The following SETD7 variants were observed in gnomAD, a reference collection of about 807,000 sequenced individuals.
SETD7 encodes SET domain containing 7, histone lysine methyltransferase.
A neutral mutation model predicts 41.8 loss-of-function variants in SETD7; 16 were observed. The observed-to-expected ratio is 0.38, with a 90% CI of 0.26 to 0.58. The LOEUF (loss-of-function observed/expected upper bound fraction) is 0.58, where lower values mean the gene tolerates loss of function less well. SETD7 is among the 20% of genes least tolerant of loss of function. SETD7 has a pLI of 0.64. For missense variants in SETD7, 346 were observed against 459.7 expected, an observed-to-expected ratio of 0.75 and a Z score of 2.26; for synonymous variants, 163 against 169.7, an observed-to-expected ratio of 0.96 and a Z score of 0.31.
In SETD7 at chr4:139,506,600, G is replaced by T. The variant is rs1163332898; in HGVS notation, c.*5063C>A. The T allele has an allele frequency of 5.2e-5, 8 of 152,540 alleles. No homozygotes were observed. Among genetic ancestry groups the T allele is most frequent in the Admixed American group, 1.3e-4 (2 of 15,278 alleles). 9.4% of individuals were successfully genotyped at this position (152,540 alleles called of 1,614,324 possible). On this transcript the variant is annotated 3_prime_UTR_variant, in exon 8 of 8. Transcript: ENST00000274031. ...TCATAAACCAAAATGTAACCAAGTA[G>T]ATATGTTGATACATTGGCATGTGTG... is the stretch of plus-strand genomic sequence containing the variant.
chr4:139,539,182 T>G (rs1727719207), intron 2 of SETD7, among the ~76,000 whole-genome samples: 1 of 151,936 alleles, frequency 6.6e-6, no homozygotes, highest in Admixed American at 6.6e-5. Flanking sequence ...TCTGTTCCCT[T>G]CCTTCCACTG....
At position 139,520,271 on chromosome 4, in the gene SETD7, A is replaced by G. The variant is rs1473236388; in HGVS notation, c.762+6T>C. On this transcript the variant is annotated splice_donor_region_variant and intron_variant, in intron 6 of 7. Transcript: ENST00000274031. The stretch of plus-strand genomic sequence containing the variant: ...AAGTTGATTTTCCACTGTCAGCCCC[A>G]CTCACCTCTTGGTGTGTAATTCGAA... 10 of 1,479,548 alleles carry G rather than the reference A, an allele frequency of 6.8e-6. No individual in the cohort carries two copies. Among genetic ancestry groups the G allele is most frequent in the Middle Eastern group, 1.7e-4 (1 of 5,818 alleles). 91.7% of individuals were successfully genotyped at this position (1,479,548 alleles called of 1,614,324 possible). A position where few individuals can be genotyped will look rare whatever the true frequency, so the allele number is the denominator to read the frequency against.
chr4:139,530,902 T>C (rs1238564295), intron 3 of SETD7, among the ~76,000 whole-genome samples: 2 of 152,198 alleles, frequency 1.3e-5, no homozygotes. Context: ...GGGAAAATCA[T>C]CACTTTTTTC....
chr4:139,553,406 T>C (rs886823882), intron 1 of SETD7, among the ~76,000 whole-genome samples: 1 of 152,206 alleles, frequency 6.6e-6, no homozygotes, highest in African/African-American at 2.4e-5. Context: ...AGAGTTACAC[T>C]GATAAAAAAT....
intron 7 of SETD7, among the ~76,000 whole-genome samples, chr4:139,513,706 A>T (rs1354036353): frequency 1.3e-5 from 2 of 152,180 alleles, no homozygotes; most frequent in Non-Finnish European, 2.9e-5. Flanking sequence ...TTCACCTTAT[A>T]TCTCTGAATC....
intron 2 of SETD7, among the ~76,000 whole-genome samples, chr4:139,544,541 G>A (rs2111168950): frequency 6.6e-6 from 1 of 152,214 alleles, no homozygotes; most frequent in African/African-American, 2.4e-5. Context: ...AGCTGGATAT[G>A]AGAAGACAGG....
chr4:139,510,636 T>A lies in SETD7; in HGVS notation c.*1027A>T, dbSNP rs1335959609. On this transcript the variant is annotated 3_prime_UTR_variant, in exon 8 of 8. Coordinates refer to ENST00000274031, the MANE Select transcript of SETD7 (RefSeq NM_030648.4). ...CCTTAGTAGTACTGACTAAAAAAAT[T>A]TTTTTTTGAATTCTGTTAGAATTCA... is the stretch of plus-strand genomic sequence containing the variant. 1 of 152,016 alleles carries A rather than the reference T, an allele frequency of 6.6e-6. No homozygotes were observed. The highest frequency in any genetic ancestry group is 1.5e-5 in the Non-Finnish European group (1 of 68,004). The allele number at this position is 152,016 out of a possible 1,614,324, so 9.4% of individuals were successfully genotyped here.
At chr4:139,543,798 C>CAAAAAA (rs1182628309) in intron 2 of SETD7, among the ~76,000 whole-genome samples, 12,421 of 119,288 alleles carry the variant, frequency 0.1, 780 homozygotes, top group East Asian at 0.36. Context: ...TAAAAAAATA[C>CAAAAAA]AAAAAAAAAA....
At chr4:139,535,627 G>A (rs1727617875) in intron 2 of SETD7, among the ~76,000 whole-genome samples, 2 of 152,118 alleles carry the variant, frequency 1.3e-5, no homozygotes, top group Non-Finnish European at 2.9e-5. Flanking sequence ...CCTTACCCAT[G>A]GAGCCCATCA....
At chr4:139,532,260 C>T (rs1261201893) in intron 3 of SETD7, among the ~76,000 whole-genome samples, 2 of 151,934 alleles carry the variant, frequency 1.3e-5, no homozygotes, top group Non-Finnish European at 2.9e-5. Context: ...TTTAGAGAAA[C>T]CCTGTCTCAA....
chr4:139,555,185 A>C lies in SETD7; in HGVS notation c.40+913T>G, dbSNP rs761529137. On this transcript the variant is annotated intron_variant, in intron 1 of 7. Coordinates refer to ENST00000274031, the MANE Select transcript of SETD7 (RefSeq NM_030648.4). The surrounding 1 kb of genome is among the most constrained non-coding windows in gnomAD (Gnocchi z 4.0). ...CACATCGTTTTTTCAGAACTAACAA[A>C]AAAAAAAAAAAAAAGGTGGAGAAAC... Among the ~76,000 whole-genome samples, 137 of 125,724 alleles carry C rather than the reference A, an allele frequency of 1.1e-3. 2 individuals are homozygous for C. Among genetic ancestry groups the C allele is most frequent in the South Asian group, 5.8e-4 (2 of 3,422 alleles). The allele number at this position is 125,724 out of a possible 152,430, so 82.5% of individuals were successfully genotyped here.
intron 3 of SETD7, among the ~76,000 whole-genome samples, chr4:139,530,228 A>T (rs921255735): frequency 6.6e-6 from 1 of 151,970 alleles, no homozygotes; most frequent in African/African-American, 2.4e-5. Flanking sequence ...AGGGAGTTTG[A>T]TTTAACAATA....
Position 139,519,338 on chromosome 4 carries a change from T to C in SETD7, c.762+939A>G, listed in dbSNP as rs185533750. On this transcript the variant is annotated intron_variant, in intron 6 of 7. Coordinates refer to ENST00000274031, the MANE Select transcript of SETD7 (RefSeq NM_030648.4). ...TACTTGAACTCTGCTATTTGCTGTA[T>C]TTTTGACTTTAAGCAAGTTGTGTAA... is the stretch of plus-strand genomic sequence containing the variant. Among the ~76,000 whole-genome samples the C allele has an allele frequency of 4.3e-3, 649 of 152,360 alleles. 8 individuals carry two copies. Among genetic ancestry groups the C allele is most frequent in the African/African-American group, 0.015 (620 of 41,580 alleles).
chr4:139,518,180 C>T lies in SETD7; in HGVS notation c.763-138G>A, dbSNP rs574656651. The T allele has an allele frequency of 6.8e-5, 61 of 897,898 alleles. No individual in the cohort carries two copies. The Admixed American group carries it at 8.4e-4, about 12-fold the overall frequency. 55.6% of individuals were successfully genotyped at this position (897,898 alleles called of 1,614,324 possible). A position where few individuals can be genotyped will look rare whatever the true frequency, so the allele number is the denominator to read the frequency against. ...TCTCACTCTGTCACCTAGGCTGGAGCGCAAGTAGCGTGATCTTGGCTCACC... is the reference window on the plus strand; with the variant it reads ...TCTCACTCTGTCACCTAGGCTGGAGTGCAAGTAGCGTGATCTTGGCTCACC... On this transcript the variant is annotated intron_variant, in intron 6 of 7. Coordinates refer to ENST00000274031, the MANE Select transcript of SETD7 (RefSeq NM_030648.4).
chr4:139,507,424 T>C lies in SETD7; in HGVS notation c.*4239A>G, dbSNP rs1726736644. 2 of 152,636 alleles carry C rather than the reference T, an allele frequency of 1.3e-5. No individual in the cohort carries two copies. The highest frequency in any genetic ancestry group is 1.5e-5 in the Non-Finnish European group (1 of 68,054). 9.5% of individuals were successfully genotyped at this position (152,636 alleles called of 1,614,324 possible). ...AAGTTGCTGAGAGTCAGAGTTATTG[T>C]AGGCTTTTGATTTTTAAAAATCAAA... On this transcript the variant is annotated 3_prime_UTR_variant, in exon 8 of 8. Coordinates refer to ENST00000274031, the MANE Select transcript of SETD7 (RefSeq NM_030648.4).
chr4:139,496,881 C>A (rs546508245), intron 7 of SETD7, among the ~76,000 whole-genome samples: 1 of 150,076 alleles, frequency 6.7e-6, no homozygotes, highest in East Asian at 2.0e-4. Context: ...TGTACACACA[C>A]ACACACACAT....
In SETD7 at chr4:139,551,578, T is replaced by TA. The variant is rs751614401; in HGVS notation, c.40+4519dup. On this transcript the variant is annotated intron_variant, in intron 1 of 7. Transcript: ENST00000274031. ...AATGTACATCTCAATCTCAGCAAAG[T>TA]AAATTCCCTCTGGATCAGACACCCA... Among the ~76,000 whole-genome samples the TA allele has an allele frequency of 1.8e-4, 27 of 152,182 alleles. 1 individual carries two copies. The highest frequency in any genetic ancestry group is 3.2e-4 in the Non-Finnish European group (22 of 68,032).
At chr4:139,514,847 T>A (rs569399976) in intron 7 of SETD7, among the ~76,000 whole-genome samples, 1 of 152,230 alleles carries the variant, frequency 6.6e-6, no homozygotes, top group South Asian at 2.1e-4. Flanking sequence ...AAACAGCTTA[T>A]GGAAGTGTTT....
At chr4:139,512,586 C>G (rs200555203) in intron 7 of SETD7, among the ~76,000 whole-genome samples, 2 of 152,138 alleles carry the variant, frequency 1.3e-5, no homozygotes, top group Non-Finnish European at 2.9e-5. Flanking sequence ...TTCATCTGCA[C>G]AGCTCCCTGC....
Sources: allele counts gnomAD v4.1 joint callset (sites outside exome capture counted in the v4.1 genomes callset), GRCh38; gene constraint gnomAD v4.1.1; non-coding constraint Gnocchi (gnomAD v3.1); transcripts MANE v1.5; gene names NCBI Gene and HGNC (gene_info 2026-07-23, HGNC 2026-07-21).